The following WDR70 variants were observed in gnomAD, a reference collection of about 807,000 sequenced individuals.
WDR70 encodes the protein WD repeat-containing protein 70.
WDR70 carries 53 observed loss-of-function variants against 88.6 expected under a neutral mutation model. That is an observed-to-expected ratio of 0.60 (90% CI 0.48 to 0.75). The LOEUF (loss-of-function observed/expected upper bound fraction) is 0.75. Ranked by LOEUF, WDR70 falls within the 30% of genes least tolerant of loss-of-function variation. The pLI is 0.00. For missense variants in WDR70, 610 were observed against 823.2 expected, an observed-to-expected ratio of 0.74 and a Z score of 3.17; for synonymous variants, 280 against 270.0, an observed-to-expected ratio of 1.04 and a Z score of -0.36.
intron 9 of WDR70, among the ~76,000 whole-genome samples, chr5:37,585,178 G>C (rs973179684): frequency 1.6e-4 from 25 of 151,926 alleles, no homozygotes; most frequent in Admixed American, 1.4e-3. Context: ...TTTTAGTAGA[G>C]ACAGGGTTTC....
chr5:37,415,415 C>CA (rs1749679479), intron 5 of WDR70, among the ~76,000 whole-genome samples: 1 of 73,298 alleles, frequency 1.4e-5, no homozygotes, highest in Non-Finnish European at 3.9e-5. Flanking sequence ...GGGGGGCTGA[C>CA]CCCCCCACCT....
chr5:37,574,378 AC>A (rs1339331256), intron 9 of WDR70, among the ~76,000 whole-genome samples: 3 of 151,908 alleles, frequency 2.0e-5, no homozygotes, highest in Non-Finnish European at 4.4e-5. Context: ...CTAGCAGCAT[AC>A]CCCCCTCCAT....
chr5:37,648,229 C>T (rs1244213146), intron 10 of WDR70, among the ~76,000 whole-genome samples: 1 of 152,136 alleles, frequency 6.6e-6, no homozygotes, highest in Non-Finnish European at 1.5e-5. Flanking sequence ...ATGTATTTTA[C>T]TTCCAAATTA....
rs112123122 is a variant in WDR70 at position 37,749,569 on chromosome 5, A to AT, written c.1878-2917_1878-2916insT. Among the ~76,000 whole-genome samples, 1,154 of 152,156 alleles carry AT rather than the reference A, an allele frequency of 7.6e-3. 14 individuals carry two copies. Among genetic ancestry groups the AT allele is most frequent in the African/African-American group, 0.026 (1,085 of 41,492 alleles). On this transcript the variant is annotated intron_variant, in intron 17 of 17. Transcript: ENST00000265107. ...TCCTGTTTTTTTTTAAGAAGAAAAA[A>AT]AATATTATGCATACGTATAATGTGG...
intron 10 of WDR70, among the ~76,000 whole-genome samples, chr5:37,682,368 C>A (rs988117013): frequency 4.0e-5 from 6 of 151,890 alleles, no homozygotes; most frequent in African/African-American, 1.2e-4. Context: ...TTTCAAAAAA[C>A]CAACTCTTAG....
intron 8 of WDR70, among the ~76,000 whole-genome samples, chr5:37,485,873 T>G (rs1244669397): frequency 1.4e-5 from 2 of 141,490 alleles, no homozygotes; most frequent in East Asian, 2.1e-4. Flanking sequence ...TTTTTTTTTT[T>G]TTTTTTTTTT....
intron 7 of WDR70, among the ~76,000 whole-genome samples, chr5:37,448,140 C>A (rs1006685100): frequency 6.6e-6 from 1 of 152,044 alleles, no homozygotes; most frequent in South Asian, 2.1e-4. Flanking sequence ...TCAGTATTTA[C>A]GATTTTTAAA....
chr5:37,511,561 G>C (rs896660911), intron 8 of WDR70, among the ~76,000 whole-genome samples: 1 of 152,038 alleles, frequency 6.6e-6, no homozygotes, highest in Admixed American at 6.6e-5. Flanking sequence ...GATTGTTAGA[G>C]ACCAGGATCT....
At chr5:37,560,906 G>T (rs1032548249) in intron 9 of WDR70, among the ~76,000 whole-genome samples, 1 of 149,540 alleles carries the variant, frequency 6.7e-6, no homozygotes, top group Non-Finnish European at 1.5e-5. Flanking sequence ...TGAACTCCTG[G>T]GTTCAAGCTG....
intron 10 of WDR70, among the ~76,000 whole-genome samples, chr5:37,672,340 AAAGAGGAAGTCCTCTTGTGGTTGAGAT>A (rs1483767725): frequency 6.6e-6 from 1 of 152,026 alleles, no homozygotes; most frequent in East Asian, 1.9e-4. Context: ...AGGATTAGTA[AAAGAGGAAGTCCTCTTGTGGTTGAGAT>A]AAGAGGAAGG....
intron 17 of WDR70, among the ~76,000 whole-genome samples, chr5:37,751,203 A>G (rs1748798195): frequency 6.6e-6 from 1 of 152,234 alleles, no homozygotes; most frequent in South Asian, 2.1e-4. Context: ...AATAAGCACC[A>G]ATTGCCTTGT....
In WDR70 at chr5:37,480,332, T is replaced by G. The variant is rs1295178124; in HGVS notation, c.840+345T>G. ...CTTTTTCTCTTGCCACATGTCTAGT[T>G]TGGGTCTTTTCACAGTGTGGTAGTC... On this transcript the variant is annotated intron_variant, in intron 8 of 17. Transcript: ENST00000265107. 2.0e-5 allele frequency among the ~76,000 whole-genome samples: 3 copies of G among 152,178 alleles called. No homozygotes were observed. In the East Asian group the frequency reaches 5.8e-4, roughly 29 times the overall value.
intron 5 of WDR70, among the ~76,000 whole-genome samples, chr5:37,437,260 T>C (rs533045962): frequency 6.6e-6 from 1 of 152,176 alleles, no homozygotes; most frequent in South Asian, 2.1e-4. Flanking sequence ...ATTTTTACCA[T>C]TTTTGAACAA....
intron 13 of WDR70, among the ~76,000 whole-genome samples, chr5:37,710,811 A>AT (rs1291615647): frequency 1.3e-5 from 2 of 151,468 alleles, no homozygotes; most frequent in South Asian, 4.2e-4. Flanking sequence ...TTATTTATTT[A>AT]TTATTATTAT....
At chr5:37,623,471 AAATC>A (rs1044697873) in intron 10 of WDR70, among the ~76,000 whole-genome samples, 1 of 152,208 alleles carries the variant, frequency 6.6e-6, no homozygotes, top group African/African-American at 2.4e-5. Flanking sequence ...TTTGTTGTGA[AAATC>A]AATTTATGCA....
chr5:37,613,570 A>T (rs1744247167), intron 10 of WDR70, among the ~76,000 whole-genome samples: 1 of 152,220 alleles, frequency 6.6e-6, no homozygotes, highest in South Asian at 2.1e-4. Flanking sequence ...AGACAAAAGA[A>T]TTACTTTTAA....
At chr5:37,400,307 C>T (rs1160193435) in intron 5 of WDR70, among the ~76,000 whole-genome samples, 6 of 152,068 alleles carry the variant, frequency 3.9e-5, no homozygotes, top group East Asian at 1.9e-4. Context: ...TATTAAAACT[C>T]GATAGGAACC....
At chr5:37,690,621 C>T (rs577903643) in intron 10 of WDR70, among the ~76,000 whole-genome samples, 14 of 152,088 alleles carry the variant, frequency 9.2e-5, no homozygotes, top group Admixed American at 2.0e-4. Context: ...GCTTCATAAG[C>T]GGAGGAGAAC....
chr5:37,745,807 T>C (rs1190056475), intron 17 of WDR70, among the ~76,000 whole-genome samples: 5 of 152,190 alleles, frequency 3.3e-5, no homozygotes, highest in African/African-American at 1.2e-4. Context: ...CAAAGAGACT[T>C]AGACTCCCAC....
Sources: gnomAD v4.1 joint callset for allele counts (sites outside exome capture counted in the v4.1 genomes callset) on GRCh38, gnomAD v4.1.1 for gene constraint, MANE v1.5 for transcripts, NCBI Gene and HGNC (gene_info 2026-07-23, HGNC 2026-07-21) for gene names.